GLIS3: variants seen among roughly 807,000 people sequenced by gnomAD.
The protein encoded by GLIS3 is GLIS family zinc finger 3.
In GLIS3, 53 loss-of-function variants were observed where a neutral mutation model predicts 78.6. The observed-to-expected ratio is 0.67, with a 90% confidence interval of 0.54 to 0.85. The LOEUF (loss-of-function observed/expected upper bound fraction) is 0.85. Among genes scored for constraint, GLIS3 ranks in the 40% least tolerant of loss-of-function variants. The pLI is 0.00. For missense variants in GLIS3, 1,703 were observed against 1,231.1 expected (o/e 1.38, Z -5.74); for synonymous variants, 684 against 509.9 (o/e 1.34, Z -4.60).
At chr9:4,071,940 G>A (rs1357991542) in intron 4 of GLIS3, 3 of 152,178 alleles carry the variant, frequency 2.0e-5, no homozygotes, top group African/African-American at 7.2e-5. Context: ...ACCAGAGGAG[G>A]CAAGGCAACA....
intron 8 of GLIS3, among the ~76,000 whole-genome samples, chr9:3,863,924 G>T (rs2130322227): frequency 6.6e-6 from 1 of 152,286 alleles, no homozygotes; most frequent in African/African-American, 2.4e-5. Flanking sequence ...AACGTCTCGG[G>T]TATGTCAGAG....
At chr9:4,015,550 A>C (rs1822361706) in intron 4 of GLIS3, among the ~76,000 whole-genome samples, 2 of 152,182 alleles carry the variant, frequency 1.3e-5, no homozygotes, top group African/African-American at 4.8e-5. Flanking sequence ...CCCAAATATG[A>C]AGTTATATCT....
At chr9:4,478,785 A>T in the GLIS3 span, among the ~76,000 whole-genome samples, 1 of 152,190 alleles carries the variant, frequency 6.6e-6, no homozygotes, top group African/African-American at 2.4e-5. Context: ...TTAGAATTAG[A>T]ATGAATTTTT....
chr9:4,447,008 T>A, the GLIS3 span, among the ~76,000 whole-genome samples: 16 of 152,234 alleles, frequency 1.1e-4, no homozygotes, highest in African/African-American at 3.8e-4. Context: ...TTGCTCATGA[T>A]GTACCCTATG....
intron 9 of GLIS3, among the ~76,000 whole-genome samples, chr9:3,850,175 A>C (rs1021680196): frequency 6.6e-6 from 1 of 152,204 alleles, no homozygotes; most frequent in African/African-American, 2.4e-5. Context: ...GGTTATTAAA[A>C]ATCACACAAA....
At chr9:3,902,470 A>T (rs1454473357) in intron 6 of GLIS3, among the ~76,000 whole-genome samples, 1 of 152,246 alleles carries the variant, frequency 6.6e-6, no homozygotes, top group Non-Finnish European at 1.5e-5. Flanking sequence ...TAAGAAGCCC[A>T]ACTATTTATT....
At chr9:4,033,675 T>C (rs928353563) in intron 4 of GLIS3, among the ~76,000 whole-genome samples, 6 of 152,126 alleles carry the variant, frequency 3.9e-5, no homozygotes, top group East Asian at 1.9e-4. Context: ...GTGATTCCTA[T>C]GCACATTCAA....
chr9:4,401,908 G>A, the GLIS3 span, among the ~76,000 whole-genome samples: 2 of 152,180 alleles, frequency 1.3e-5, no homozygotes, highest in East Asian at 3.9e-4. Flanking sequence ...TCTGCCTATG[G>A]AAAGCAGAGG....
chr9:3,963,400 C>T, intron 4 of GLIS3, among the ~76,000 whole-genome samples: 1 of 152,264 alleles, frequency 6.6e-6, no homozygotes, highest in East Asian at 1.9e-4. Context: ...TATCACTGGC[C>T]CTGCTGGAGA....
intron 4 of GLIS3, among the ~76,000 whole-genome samples, chr9:4,007,401 G>C (rs985367721): frequency 6.6e-6 from 1 of 152,066 alleles, no homozygotes; most frequent in Non-Finnish European, 1.5e-5. Context: ...CCTGGTTCAA[G>C]GTCCCCTTCC....
chr9:4,200,801 C>T (rs1372627834), intron 2 of GLIS3, among the ~76,000 whole-genome samples: 2 of 152,104 alleles, frequency 1.3e-5, no homozygotes, highest in Non-Finnish European at 2.9e-5. Context: ...TATCCAAAAA[C>T]ATCAAAGTGG....
intron 2 of GLIS3, among the ~76,000 whole-genome samples, chr9:4,277,894 AC>A (rs1447496000): frequency 1.3e-5 from 2 of 152,136 alleles, no homozygotes; most frequent in Non-Finnish European, 2.9e-5. Flanking sequence ...ATACAATATA[AC>A]CGGGATCCTT....
intron 2 of GLIS3, among the ~76,000 whole-genome samples, chr9:4,345,708 G>T (rs1817888929): frequency 6.6e-6 from 1 of 152,044 alleles, no homozygotes; most frequent in Non-Finnish European, 1.5e-5. Context: ...ATGTTAATAG[G>T]TAACATTTAA....
upstream of GLIS3, among the ~76,000 whole-genome samples, chr9:4,352,581 G>A (rs975803107): frequency 2.0e-5 from 3 of 152,360 alleles, no homozygotes; most frequent in Non-Finnish European, 2.9e-5. Flanking sequence ...TCTGTCTTGG[G>A]TTAGGCTACT....
At chr9:4,208,086 A>G (rs984432356) in intron 2 of GLIS3, among the ~76,000 whole-genome samples, 10 of 152,342 alleles carry the variant, frequency 6.6e-5, no homozygotes, top group Admixed American at 5.9e-4. Context: ...TTGCCTGCCA[A>G]GAGCAGGCCT....
chr9:4,344,062 C>G (rs1207008576), intron 2 of GLIS3, among the ~76,000 whole-genome samples: 2 of 152,112 alleles, frequency 1.3e-5, no homozygotes, highest in Non-Finnish European at 2.9e-5. Context: ...ACTCCCTAAA[C>G]CTAAAACTCA....
chr9:4,103,311 C>T (rs973078766), intron 4 of GLIS3, among the ~76,000 whole-genome samples: 1 of 152,074 alleles, frequency 6.6e-6, no homozygotes, highest in Non-Finnish European at 1.5e-5. Context: ...AGAATGTGAA[C>T]CTGAGTACAA....
At chr9:4,436,924 C>G in the GLIS3 span, among the ~76,000 whole-genome samples, 4 of 147,010 alleles carry the variant, frequency 2.7e-5, no homozygotes, top group Admixed American at 2.7e-4. Context: ...GGAGAGAGAA[C>G]AGGAACTAAA....
chr9:4,431,450 TGAG>T, the GLIS3 span, among the ~76,000 whole-genome samples: 1 of 147,576 alleles, frequency 6.8e-6, no homozygotes, highest in East Asian at 2.0e-4. Flanking sequence ...TTGGGGAAGA[TGAG>T]GAGTTTTGCT....
Sources: gnomAD v4.1 joint callset for allele counts (sites outside exome capture counted in the v4.1 genomes callset) on GRCh38, gnomAD v4.1.1 for gene constraint, MANE v1.5 for transcripts, NCBI Gene and HGNC (gene_info 2026-07-23, HGNC 2026-07-21) for gene names.